The following LDHC variants were observed in gnomAD, a reference collection of about 807,000 sequenced individuals.
The protein encoded by LDHC is L-lactate dehydrogenase C chain.
LDHC carries 20 observed loss-of-function variants against 30.2 expected under a neutral mutation model. That is an observed-to-expected ratio of 0.66 (90% CI 0.47 to 0.96). The LOEUF (loss-of-function observed/expected upper bound fraction) is 0.96, where lower values mean the gene tolerates loss of function less well. Among genes scored for constraint, LDHC ranks in the 40% least tolerant of loss-of-function variants. The pLI is 0.00. For synonymous variants in LDHC, 139 were observed against 132.7 expected, an observed-to-expected ratio of 1.05 and a Z score of -0.32; for missense variants, 362 against 394.9, an observed-to-expected ratio of 0.92 and a Z score of 0.71.
At position 18,438,594 on chromosome 11, in the gene LDHC, C is replaced by T. The variant is rs181881801; in HGVS notation, c.659C>T (p.Thr220Met). The T allele has an allele frequency of 5.9e-5, 95 of 1,612,682 alleles. No homozygotes were observed. Among genetic ancestry groups the T allele is most frequent in the East Asian group, 2.5e-4 (11 of 44,846 alleles). ...AAGACTCTGGACCCTAAATTAGGAA[C>T]GGATTCAGATAAGGAACACTGGAAA... ...ALKTLDPKLG[T>M]DSDKEHWKNI... is the part of the protein sequence containing the mutation. Residue 220 changes from threonine to methionine, a missense_variant, in exon 6 of 8, where the codon ACG (threonine) becomes ATG (methionine). Physicochemically the swap from Thr to Met is moderately conservative, Grantham distance 81 (BLOSUM62 -1). Coordinates refer to ENST00000541669, the MANE Select transcript of LDHC (RefSeq NM_017448.5).
In LDHC at chr11:18,438,651, A is replaced by C. The variant is rs756706076; in HGVS notation, c.710+6A>C. 4.2e-6 allele frequency: 6 copies of C among 1,442,506 alleles called. No individual in the cohort carries two copies. In the Admixed American group the frequency reaches 8.4e-5, roughly 20 times the overall value. 89.4% of individuals were successfully genotyped at this position (1,442,506 alleles called of 1,614,324 possible). Reference sequence around the variant, plus strand: ...CATAAACAAGTTATTCAAAGGTAATAGTACCTATTCAGTTTCTTAATGCCT... The same window carrying C: ...CATAAACAAGTTATTCAAAGGTAATCGTACCTATTCAGTTTCTTAATGCCT... On this transcript the variant is annotated splice_donor_region_variant and intron_variant, in intron 6 of 7. Transcript: ENST00000541669.
intron 3 of LDHC, among the ~76,000 whole-genome samples, chr11:18,419,774 A>G (rs1867085169): frequency 1.3e-5 from 2 of 152,134 alleles, no homozygotes; most frequent in East Asian, 1.9e-4. Flanking sequence ...TAAAAAAGGA[A>G]CAAAATATAA....
intron 7 of LDHC, among the ~76,000 whole-genome samples, chr11:18,448,251 C>T (rs188739565): frequency 2.6e-5 from 4 of 151,936 alleles, no homozygotes; most frequent in African/African-American, 9.7e-5. Context: ...TAGCCTTTAC[C>T]GAACAAGTCA....
chr11:18,426,717 A>C (rs1295860148), intron 3 of LDHC, among the ~76,000 whole-genome samples: 1 of 152,168 alleles, frequency 6.6e-6, no homozygotes, highest in Non-Finnish European at 1.5e-5. Flanking sequence ...CTATAAAAAA[A>C]TTCTGTGAAG....
rs778272077 is a variant in LDHC, at chr11:18,412,755, T to C, written c.38T>C (p.Ile13Thr). ...AAGGAGCAGCTAATTGAGAAGCTAA[T>C]TGAGGATGATGAAAACTCCCAGTGT... The part of the protein sequence containing the change: ...TVKEQLIEKL[I>T]EDDENSQCKI... The change falls in exon 2 of 8, where the codon ATT (isoleucine) becomes ACT (threonine). Residue 13 changes from isoleucine to threonine, a missense_variant. Physicochemically the swap from Ile to Thr is moderately conservative, Grantham distance 89. Transcript: ENST00000541669. The C allele has an allele frequency of 8.7e-6, 14 of 1,613,994 alleles. No homozygotes were observed. The highest frequency in any genetic ancestry group is 1.7e-5 in the Admixed American group (1 of 60,022).
At chr11:18,430,581 G>A (rs963158321) in intron 4 of LDHC, among the ~76,000 whole-genome samples, 7 of 152,212 alleles carry the variant, frequency 4.6e-5, no homozygotes, top group African/African-American at 1.2e-4. Context: ...AGTCTGGTCC[G>A]GAACTCCTAA....
chr11:18,427,849 G>A lies in LDHC; in HGVS notation c.245-1888G>A, dbSNP rs144452448. Among the ~76,000 whole-genome samples, 51 of 151,964 alleles carry A rather than the reference G, an allele frequency of 3.4e-4. 1 individual carries two copies. Among genetic ancestry groups the A allele is most frequent in the African/African-American group, 1.2e-3 (49 of 41,460 alleles). On this transcript the variant is annotated intron_variant, in intron 3 of 7. Transcript: ENST00000541669. ...GTGCCATCATGCCCAGCTAATTTTT[G>A]TATTTTTAGTAGAGATGGGGTTTCA...
Position 18,446,405 on chromosome 11 carries a change from C to A in LDHC, c.834+72C>A. 3 of 1,107,470 alleles carry A rather than the reference C, an allele frequency of 2.7e-6. No individual in the cohort carries two copies. The South Asian group carries it at 3.7e-5, about 14-fold the overall frequency. The allele number at this position is 1,107,470 out of a possible 1,614,324, so 68.6% of individuals were successfully genotyped here. ...TATTGGGTCACTACTATATGCCAGGCAGTGTACAAGATGTTGAGGATATAA... is the reference window on the plus strand; with the variant it reads ...TATTGGGTCACTACTATATGCCAGGAAGTGTACAAGATGTTGAGGATATAA... On this transcript the variant is annotated intron_variant, in intron 7 of 7. Coordinates refer to ENST00000541669, the MANE Select transcript of LDHC (RefSeq NM_017448.5).
At chr11:18,440,144 C>CAA (rs35749455) in intron 6 of LDHC, among the ~76,000 whole-genome samples, 25,707 of 82,822 alleles carry the variant, frequency 0.31, 2,838 homozygotes, top group East Asian at 0.48. Flanking sequence ...TACTAAAATA[C>CAA]AAAAAAAAAA....
At chr11:18,420,052 C>T (rs1387410843) in intron 3 of LDHC, among the ~76,000 whole-genome samples, 1 of 152,174 alleles carries the variant, frequency 6.6e-6, no homozygotes, top group Non-Finnish European at 1.5e-5. Flanking sequence ...GATGGCACCA[C>T]TCCACACTCC....
chr11:18,421,491 G>A lies in LDHC; in HGVS notation c.244+6190G>A, dbSNP rs558041070. Among the ~76,000 whole-genome samples the A allele has an allele frequency of 8.5e-5, 13 of 152,100 alleles. No individual in the cohort carries two copies. In the East Asian group the frequency reaches 2.5e-3, roughly 30 times the overall value. On this transcript the variant is annotated intron_variant, in intron 3 of 7. Coordinates refer to ENST00000541669, the MANE Select transcript of LDHC (RefSeq NM_017448.5). Reference sequence around the variant, plus strand: ...AGTTTGAGACCAGCGTGGCCAACCTGGTGAAACCCCATCTCTACTAAAAAT... The same window carrying A: ...AGTTTGAGACCAGCGTGGCCAACCTAGTGAAACCCCATCTCTACTAAAAAT...
intron 3 of LDHC, among the ~76,000 whole-genome samples, chr11:18,421,894 C>T (rs919293450): frequency 2.0e-5 from 3 of 151,962 alleles, no homozygotes; most frequent in East Asian, 1.9e-4. Flanking sequence ...GAGGCCAACG[C>T]GGGCGAATCA....
At chr11:18,436,668 T>G (rs1370869099) in intron 5 of LDHC, among the ~76,000 whole-genome samples, 1 of 151,968 alleles carries the variant, frequency 6.6e-6, no homozygotes, top group Non-Finnish European at 1.5e-5. Flanking sequence ...GTATTTTTAG[T>G]AGAGACAGGG....
intron 3 of LDHC, among the ~76,000 whole-genome samples, chr11:18,422,146 GAGAA>G (rs1454371789): frequency 4.6e-5 from 7 of 151,990 alleles, no homozygotes; most frequent in Non-Finnish European, 5.9e-5. Context: ...AATTAGTAAA[GAGAA>G]AGAAGTAATA....
intron 6 of LDHC, among the ~76,000 whole-genome samples, chr11:18,439,010 T>C (rs1392561122): frequency 1.3e-5 from 2 of 152,176 alleles, no homozygotes; most frequent in African/African-American, 4.8e-5. Flanking sequence ...GGGATAATTA[T>C]AGAACCTACT....
intron 5 of LDHC, among the ~76,000 whole-genome samples, chr11:18,436,244 A>C (rs1433540763): frequency 6.6e-6 from 1 of 152,044 alleles, no homozygotes; most frequent in Non-Finnish European, 1.5e-5. Context: ...CTATAACTTT[A>C]TTTTTAGAAA....
At chr11:18,439,563 C>CAAAAAAA (rs34511927) in intron 6 of LDHC, among the ~76,000 whole-genome samples, 2 of 59,348 alleles carry the variant, frequency 3.4e-5, no homozygotes, top group African/African-American at 6.4e-5. Flanking sequence ...AACTCCATCT[C>CAAAAAAA]AAAAAAAAAA....
intron 7 of LDHC, among the ~76,000 whole-genome samples, chr11:18,449,719 C>G (rs906464174): frequency 4.6e-5 from 7 of 152,136 alleles, no homozygotes; most frequent in African/African-American, 7.2e-5. Flanking sequence ...ACCAGAGAAT[C>G]CCTCTGTGGG....
chr11:18,415,334 GCTTT>G (rs1866990979), intron 3 of LDHC, 33 bp downstream of exon 3: 1 of 1,151,196 alleles, frequency 8.7e-7, no homozygotes, highest in South Asian at 1.3e-5. Context: ...TATTTTCAAA[GCTTT>G]TTAAAAAAGT....
Sources: allele counts gnomAD v4.1 joint callset (sites outside exome capture counted in the v4.1 genomes callset), GRCh38; gene constraint gnomAD v4.1.1; transcripts MANE v1.5; gene names NCBI Gene and HGNC (gene_info 2026-07-23, HGNC 2026-07-21).